Variants in WDR70 observed in about 807,000 individuals in gnomAD.
WDR70 encodes the protein WD repeat-containing protein 70.
In WDR70, 53 loss-of-function variants were observed where a neutral mutation model predicts 88.6. That is an observed-to-expected ratio of 0.60 (90% confidence interval 0.48 to 0.75). WDR70 has a LOEUF of 0.75. WDR70 is among the 30% of genes least tolerant of loss of function. The probability of loss-of-function intolerance (pLI) is 0.00; values close to 1 mark genes in which losing one functional copy is unlikely to be tolerated. For missense variants in WDR70, 610 were observed against 823.2 expected, an observed-to-expected ratio of 0.74 and a Z score of 3.17; for synonymous variants, 280 against 270.0, an observed-to-expected ratio of 1.04 and a Z score of -0.36.
intron 9 of WDR70, among the ~76,000 whole-genome samples, chr5:37,519,669 T>C (rs1309745159): frequency 6.2e-5 from 8 of 129,626 alleles, no homozygotes; most frequent in African/African-American, 1.2e-4. Flanking sequence ...GAGGCGCTCC[T>C]CACTTCCCAG....
At chr5:37,399,170 C>T (rs1010910594) in intron 5 of WDR70, among the ~76,000 whole-genome samples, 4 of 152,088 alleles carry the variant, frequency 2.6e-5, no homozygotes, top group Admixed American at 6.6e-5. Context: ...CCCAGCTACT[C>T]GGGAGGCTGA....
chr5:37,518,900 A>G (rs527704152), intron 9 of WDR70, among the ~76,000 whole-genome samples: 38 of 152,200 alleles, frequency 2.5e-4, no homozygotes, highest in African/African-American at 8.2e-4. Flanking sequence ...CTTAACGAGC[A>G]TGCTGCCTTC....
At chr5:37,526,863 G>A (rs944022073) in intron 9 of WDR70, among the ~76,000 whole-genome samples, 31 of 152,128 alleles carry the variant, frequency 2.0e-4, no homozygotes, top group African/African-American at 6.8e-4. Context: ...CAAATCATGA[G>A]TGAACTCCCA....
intron 9 of WDR70, among the ~76,000 whole-genome samples, chr5:37,602,744 C>T (rs771577154): frequency 5.3e-5 from 8 of 151,910 alleles, no homozygotes; most frequent in Admixed American, 2.0e-4. Context: ...TTTGAGAGGC[C>T]GAAGCGGGTG....
At chr5:37,688,464 CAAAT>C (rs980009933) in intron 10 of WDR70, among the ~76,000 whole-genome samples, 4 of 152,156 alleles carry the variant, frequency 2.6e-5, no homozygotes, top group South Asian at 4.2e-4. Flanking sequence ...TTAAAACAAA[CAAAT>C]AAAAAACTAA....
intron 9 of WDR70, among the ~76,000 whole-genome samples, chr5:37,546,910 C>T (rs1742016495): frequency 6.7e-6 from 1 of 148,244 alleles, no homozygotes; most frequent in Admixed American, 6.7e-5. Flanking sequence ...GAGTGAGACT[C>T]TGTCTCAAAA....
At chr5:37,560,473 G>A (rs886685119) in intron 9 of WDR70, among the ~76,000 whole-genome samples, 3 of 152,076 alleles carry the variant, frequency 2.0e-5, no homozygotes, top group African/African-American at 7.2e-5. Flanking sequence ...CTGGTAAGCT[G>A]TATGTCTATA....
chr5:37,687,814 T>G (rs1388734953), intron 10 of WDR70: 1 of 491,592 alleles, frequency 2.0e-6, no homozygotes, highest in Non-Finnish European at 3.7e-6. Flanking sequence ...TATGTCTTTC[T>G]ACCTTAGAAT....
intron 10 of WDR70, among the ~76,000 whole-genome samples, chr5:37,620,270 G>GTTTGT (rs10622665): frequency 0.58 from 87,056 of 151,288 alleles, 25,170 homozygotes; most frequent in African/African-American, 0.62. Flanking sequence ...TCTGTTTTTT[G>GTTTGT]TTTGTTTTTT....
intron 9 of WDR70, among the ~76,000 whole-genome samples, chr5:37,594,171 C>G (rs1244051006): frequency 2.6e-5 from 4 of 151,996 alleles, no homozygotes; most frequent in East Asian, 3.9e-4. Context: ...GTCAATTTTG[C>G]CTTTTGTTGC....
At chr5:37,393,952 G>A (rs944208709) in intron 4 of WDR70, among the ~76,000 whole-genome samples, 10 of 152,082 alleles carry the variant, frequency 6.6e-5, no homozygotes, top group Admixed American at 6.6e-4. Context: ...AAAGTGCTGG[G>A]ATTACAGGCG....
intron 6 of WDR70, among the ~76,000 whole-genome samples, chr5:37,441,373 G>A (rs1401982255): frequency 6.6e-6 from 1 of 152,072 alleles, no homozygotes; most frequent in East Asian, 1.9e-4. Context: ...TATTATTTAT[G>A]TATGATTCCC....
intron 10 of WDR70, among the ~76,000 whole-genome samples, chr5:37,678,379 T>C (rs374743397): frequency 6.6e-6 from 1 of 152,194 alleles, no homozygotes; most frequent in East Asian, 1.9e-4. Flanking sequence ...CCAGTTGTTC[T>C]TTTCCATGTT....
chr5:37,748,260 A>G (rs1343459703), intron 17 of WDR70, among the ~76,000 whole-genome samples: 1 of 152,224 alleles, frequency 6.6e-6, no homozygotes, highest in Non-Finnish European at 1.5e-5. Flanking sequence ...TACAGTAACC[A>G]AAACAGCCAT....
intron 10 of WDR70, among the ~76,000 whole-genome samples, chr5:37,639,660 G>A (rs927873615): frequency 6.6e-6 from 1 of 152,002 alleles, no homozygotes; most frequent in African/African-American, 2.4e-5. Context: ...GCTCCTTGAG[G>A]GCAATGACTC....
At chr5:37,393,190 C>T (rs1481175682) in intron 4 of WDR70, among the ~76,000 whole-genome samples, 2 of 151,796 alleles carry the variant, frequency 1.3e-5, no homozygotes, top group African/African-American at 4.8e-5. Context: ...TACAGGTGCC[C>T]ACCACCATGC....
At chr5:37,470,458 T>C (rs962574555) in intron 7 of WDR70, among the ~76,000 whole-genome samples, 1 of 152,132 alleles carries the variant, frequency 6.6e-6, no homozygotes, top group Admixed American at 6.5e-5. Flanking sequence ...ATAGAAGAAG[T>C]AGAGTGTTAC....
chr5:37,697,498 C>CT (rs923615631), intron 10 of WDR70, among the ~76,000 whole-genome samples, 157 bp from the exon 11 acceptor site: 2 of 151,836 alleles, frequency 1.3e-5, no homozygotes, highest in African/African-American at 4.8e-5. Context: ...TTTGGTTTTT[C>CT]TTTTTTTTAG....
chr5:37,663,183 A>G (rs1272200179), intron 10 of WDR70, among the ~76,000 whole-genome samples: 1 of 152,212 alleles, frequency 6.6e-6, no homozygotes, highest in Non-Finnish European at 1.5e-5. Flanking sequence ...TAAAAAGGGA[A>G]AATGGTTTTA....
Sources: allele counts gnomAD v4.1 joint callset (sites outside exome capture counted in the v4.1 genomes callset), GRCh38; gene constraint gnomAD v4.1.1; transcripts MANE v1.5; gene names NCBI Gene and HGNC (gene_info 2026-07-23, HGNC 2026-07-21).